The following ZNF100 variants were observed in gnomAD, a reference collection of about 807,000 sequenced individuals.
ZNF100 encodes the protein zinc finger protein 100 (Y1).
A neutral mutation model predicts 15.8 loss-of-function variants in ZNF100; 12 were observed. The observed-to-expected ratio is 0.76, with a 90% CI of 0.49 to 1.23. The LOEUF (loss-of-function observed/expected upper bound fraction) is 1.23, where lower values mean the gene tolerates loss of function less well. ZNF100 is among the 50% of genes most tolerant of loss of function. The pLI, the probability that ZNF100 is intolerant of heterozygous loss-of-function variation, is 0.00. For synonymous variants in ZNF100, 226 were observed against 214.8 expected, an observed-to-expected ratio of 1.05 and a Z score of -0.45; for missense variants, 670 against 635.6, an observed-to-expected ratio of 1.05 and a Z score of -0.58.
rs557649474 is a variant in ZNF100 at position 21,744,436 on chromosome 19, G to T, written c.224-321C>A. On this transcript the variant is annotated intron_variant, in intron 3 of 4. Coordinates refer to ENST00000358296, the MANE Select transcript of ZNF100 (RefSeq NM_173531.4). Reference sequence around the variant, plus strand: ...TGTCCAGGCTGGAGTGAAGTGGCATGATCTCGGCTCACTACAACCTCCACC... The same window carrying T: ...TGTCCAGGCTGGAGTGAAGTGGCATTATCTCGGCTCACTACAACCTCCACC... Among the ~76,000 whole-genome samples the T allele has an allele frequency of 9.9e-5, 15 of 152,244 alleles. No individual in the cohort carries two copies. The East Asian group carries it at 2.7e-3, about 27-fold the overall frequency.
Position 21,751,186 on chromosome 19 carries a change from C to A in ZNF100, c.97-6119G>T, listed in dbSNP as rs1223762458. 13 of 1,327,312 alleles carry A rather than the reference C, an allele frequency of 9.8e-6. No homozygotes were observed. The Admixed American group carries it at 2.2e-4, about 22-fold the overall frequency. 82.2% of individuals were successfully genotyped at this position (1,327,312 alleles called of 1,614,324 possible). ...CCACTTAAATCATCTATCTCCAGGG[C>A]AGCTTACTAAAAAGTATAGCTCATG... On this transcript the variant is annotated intron_variant, in intron 2 of 4. Transcript: ENST00000358296.
intron 2 of ZNF100, chr19:21,752,923 T>G (rs1283464006): frequency 6.6e-6 from 1 of 152,194 alleles, no homozygotes; most frequent in Non-Finnish European, 1.5e-5. Context: ...CACTGCAGCC[T>G]AGAACTTCCT....
At chr19:21,741,119 G>A (rs2036098702) in intron 4 of ZNF100, among the ~76,000 whole-genome samples, 1 of 152,030 alleles carries the variant, frequency 6.6e-6, no homozygotes, top group African/African-American at 2.4e-5. Context: ...GACAAACTTT[G>A]AGAATATTAT....
At chr19:21,745,438 T>C (rs1333831868) in intron 2 of ZNF100, among the ~76,000 whole-genome samples, 2 of 152,184 alleles carry the variant, frequency 1.3e-5, no homozygotes, top group Non-Finnish European at 2.9e-5. Flanking sequence ...TGAATTTTAA[T>C]GTTTACAATA....
chr19:21,746,992 A>G (rs987891724), intron 2 of ZNF100: 2 of 152,244 alleles, frequency 1.3e-5, no homozygotes, highest in Non-Finnish European at 2.9e-5. Flanking sequence ...ACCAAGACCA[A>G]AAAGTCCACC....
In ZNF100 at chr19:21,727,666, T is replaced by C. The variant is rs986281978; in HGVS notation, c.646A>G (p.Met216Val). 6.2e-7 allele frequency: 1 copy of C among 1,613,062 alleles called. No individual in the cohort carries two copies. The highest frequency in any genetic ancestry group is 1.3e-5 in the African/African-American group (1 of 74,986). The change falls in exon 5 of 5, where the codon ATG becomes GTG. Residue 216 changes from methionine (M) to valine (V), a missense_variant. Transcript: ENST00000358296. ...KCKKCEKSFC[M>V]LLHLTQHKRF... The stretch of plus-strand genomic sequence containing the variant: ...TTATGTTGAGTTAGGTGTAAAAGCA[T>C]GCAAAATGATTTTTCACATTTTTTA...
At chr19:21,763,848 T>C (rs543151997) in intron 2 of ZNF100, among the ~76,000 whole-genome samples, 2 of 152,360 alleles carry the variant, frequency 1.3e-5, no homozygotes, top group South Asian at 2.1e-4. Context: ...CTGCCTAAAC[T>C]TGGCAATTCT....
At chr19:21,756,642 T>C (rs1207124568) in intron 2 of ZNF100, among the ~76,000 whole-genome samples, 1 of 152,162 alleles carries the variant, frequency 6.6e-6, no homozygotes, top group Non-Finnish European at 1.5e-5. Flanking sequence ...AAGATTAGCA[T>C]CACTAAAATG....
chr19:21,728,036 T>C (rs769405137), intron 4 of ZNF100, 47 bp from the exon 5 acceptor site: 16 of 1,421,880 alleles, frequency 1.1e-5, no homozygotes, highest in Non-Finnish European at 1.4e-5. Flanking sequence ...TAGACACAGA[T>C]AGTTTACAAA....
At position 21,767,539 on chromosome 19, in the gene ZNF100, G is replaced by T; in HGVS notation, c.-110C>A. 6 of 1,491,072 alleles carry T rather than the reference G, an allele frequency of 4.0e-6. No individual in the cohort carries two copies. The highest frequency in any genetic ancestry group is 5.5e-6 in the Non-Finnish European group (6 of 1,099,116). 92.4% of individuals were successfully genotyped at this position (1,491,072 alleles called of 1,614,324 possible). A position where few individuals can be genotyped will look rare whatever the true frequency, so the allele number is the denominator to read the frequency against. On this transcript the variant is annotated 5_prime_UTR_variant, in exon 1 of 5. Transcript: ENST00000358296. The stretch of plus-strand genomic sequence containing the variant: ...AGGAGCAGAAGACACAGAGAAGTGA[G>T]AGCAAAACCTGGAGCTCCGGCTACA...
chr19:21,727,924 C>A lies in ZNF100; in HGVS notation c.388G>T (p.Ala130Ser). The A allele has an allele frequency of 6.3e-7, 1 of 1,591,388 alleles. No individual in the cohort carries two copies. Among genetic ancestry groups the A allele is most frequent in the Non-Finnish European group, 8.5e-7 (1 of 1,171,326 alleles). ...TATTTTCCATATTTTTTCAGAATCG[C>A]TTCTTGAAAAGAATCTTTAATGTCC... ...EQDIKDSFQE[A>S]ILKKYGKYGH... Residue 130 changes from alanine (A) to serine (S), a missense_variant, in exon 5 of 5, where the codon GCG (alanine) becomes TCG (serine). Ala to Ser is a moderately conservative substitution (Grantham distance 99). Transcript: ENST00000358296.
chr19:21,737,263 T>A (rs1444284156), intron 4 of ZNF100, among the ~76,000 whole-genome samples: 1 of 152,194 alleles, frequency 6.6e-6, no homozygotes, highest in South Asian at 2.1e-4. Context: ...TGGTAGATCA[T>A]GCCTGTAATC....
intron 4 of ZNF100, among the ~76,000 whole-genome samples, chr19:21,741,387 T>TTATTA (rs1568299189): frequency 2.0e-5 from 3 of 151,726 alleles, no homozygotes; most frequent in Non-Finnish European, 4.4e-5. Flanking sequence ...TATTATTATT[T>TTATTA]TTTTTGAGAC....
At chr19:21,735,395 G>A (rs921952756) in intron 4 of ZNF100, among the ~76,000 whole-genome samples, 5 of 151,570 alleles carry the variant, frequency 3.3e-5, no homozygotes, top group East Asian at 2.0e-4. Flanking sequence ...TCGGGAGGCT[G>A]AGGCAGGAGA....
At chr19:21,760,812 A>G (rs1244282008) in intron 2 of ZNF100, among the ~76,000 whole-genome samples, 1 of 134,520 alleles carries the variant, frequency 7.4e-6, no homozygotes, top group African/African-American at 2.9e-5. Flanking sequence ...GCTGGAGTGC[A>G]GTGGTGCGAT....
chr19:21,744,114 T>C lies in ZNF100; in HGVS notation c.225A>G (p.Ala75=). ...LENYRNLVFL[A]GIALTKPDLI... ...GGTCTGGCTTAGTGAGAGCAATACC[T>C]GCTTTATTAGAAATAAATAACATGA... The change falls in exon 4 of 5, where the codon GCA becomes GCG. Residue 75 remains alanine (A), a splice_region_variant and synonymous_variant. Coordinates refer to ENST00000358296, the MANE Select transcript of ZNF100 (RefSeq NM_173531.4). The C allele has an allele frequency of 1.9e-6, 3 of 1,602,368 alleles. No homozygotes were observed. Among genetic ancestry groups the C allele is most frequent in the Middle Eastern group, 1.7e-4 (1 of 5,980 alleles).
intron 2 of ZNF100, among the ~76,000 whole-genome samples, chr19:21,757,166 G>T (rs964667621): frequency 6.6e-6 from 1 of 152,218 alleles, no homozygotes; most frequent in Admixed American, 6.5e-5. Flanking sequence ...AGCTGGGCAA[G>T]GTGGCACATG....
rs933986571 is a variant in ZNF100, at chr19:21,767,415, G to A, written c.3+12C>T. On this transcript the variant is annotated intron_variant, in intron 1 of 4. Transcript: ENST00000358296. ...TCGCCGTCTCTCGGGATGTCGGACC[G>A]GGCACTCTCACCATTTCTAGGCTTC... 7.5e-6 allele frequency: 12 copies of A among 1,608,678 alleles called. No homozygotes were observed. Among genetic ancestry groups the A allele is most frequent in the African/African-American group, 1.3e-5 (1 of 74,846 alleles).
At chr19:21,744,140 A>G in intron 3 of ZNF100, 25 bp from the exon 4 acceptor site, 1 of 1,568,202 alleles carries the variant, frequency 6.4e-7, no homozygotes, top group Non-Finnish European at 8.7e-7. Flanking sequence ...AATAACATGA[A>G]TCTTTCTCAT....
Sources: gnomAD v4.1 joint callset for allele counts (sites outside exome capture counted in the v4.1 genomes callset) on GRCh38, gnomAD v4.1.1 for gene constraint, MANE v1.5 for transcripts, NCBI Gene and HGNC (gene_info 2026-07-23, HGNC 2026-07-21) for gene names.